GALNT13: variants seen among roughly 807,000 people sequenced by gnomAD.
The protein encoded by GALNT13 is polypeptide N-acetylgalactosaminyltransferase 13.
GALNT13 carries 28 observed loss-of-function variants against 64.2 expected under a neutral mutation model. The ratio of observed to expected loss-of-function variants is 0.44; its 90% confidence interval spans 0.32 to 0.60. The LOEUF (loss-of-function observed/expected upper bound fraction) is 0.60, where lower values mean the gene tolerates loss of function less well. Ranked by LOEUF, GALNT13 falls within the 20% of genes least tolerant of loss-of-function variation. GALNT13 has a pLI of 0.05. For missense variants in GALNT13, 577 were observed against 669.8 expected (o/e 0.86, Z 1.53); for synonymous variants, 214 against 224.6 (o/e 0.95, Z 0.42).
At chr2:153,945,916 T>A (rs1412717800) in intron 3 of GALNT13, among the ~76,000 whole-genome samples, 1 of 152,152 alleles carries the variant, frequency 6.6e-6, no homozygotes, top group African/African-American at 2.4e-5. Context: ...ACAAATAATT[T>A]AAAAAAATTT....
At chr2:154,151,929 C>G (rs1684055999) in intron 4 of GALNT13, among the ~76,000 whole-genome samples, 2 of 152,176 alleles carry the variant, frequency 1.3e-5, no homozygotes, top group African/African-American at 4.8e-5. Flanking sequence ...AGCCCATTTA[C>G]ATTTAAGGCT....
chr2:153,537,963 G>A, the GALNT13 span, among the ~76,000 whole-genome samples: 1 of 152,186 alleles, frequency 6.6e-6, no homozygotes, highest in Non-Finnish European at 1.5e-5. Flanking sequence ...ACCAGAAGTG[G>A]ATTGCTGTTA....
At chr2:153,447,918 C>T in the GALNT13 span, among the ~76,000 whole-genome samples, 3 of 152,310 alleles carry the variant, frequency 2.0e-5, no homozygotes, top group South Asian at 6.2e-4. Flanking sequence ...GGACATCCCA[C>T]TTAAAGGGCC....
the GALNT13 span, among the ~76,000 whole-genome samples, chr2:153,557,658 C>T: frequency 6.6e-6 from 1 of 152,170 alleles, no homozygotes; most frequent in East Asian, 1.9e-4. Flanking sequence ...GTTCTAAAGA[C>T]ATAAATCATG....
At chr2:153,822,780 C>T in the GALNT13 span, among the ~76,000 whole-genome samples, 1 of 152,074 alleles carries the variant, frequency 6.6e-6, no homozygotes, top group Non-Finnish European at 1.5e-5. Flanking sequence ...GCCAAGCAAC[C>T]AGGCAATAGA....
the GALNT13 span, among the ~76,000 whole-genome samples, chr2:153,566,359 T>TTTTTTG: frequency 2.8e-5 from 4 of 140,810 alleles, no homozygotes; most frequent in Non-Finnish European, 6.1e-5. Flanking sequence ...TTTTTTTTTT[T>TTTTTTG]TTTTTTTTTT....
At chr2:153,076,026 G>A in the GALNT13 span, among the ~76,000 whole-genome samples, 1 of 151,942 alleles carries the variant, frequency 6.6e-6, no homozygotes, top group African/African-American at 2.4e-5. Flanking sequence ...GCTATTGATG[G>A]GCATTTCTAC....
the GALNT13 span, among the ~76,000 whole-genome samples, chr2:153,136,368 A>G: frequency 2.0e-5 from 3 of 152,084 alleles, no homozygotes; most frequent in African/African-American, 7.2e-5. Flanking sequence ...AAATCCTGAG[A>G]TAATCTGCTT....
intron 9 of GALNT13, among the ~76,000 whole-genome samples, chr2:154,360,009 ATT>A (rs1213666587): frequency 2.0e-5 from 3 of 152,180 alleles, no homozygotes; most frequent in Admixed American, 2.0e-4. Flanking sequence ...CAAAGACAAT[ATT>A]ATGTCTAAGA....
the GALNT13 span, among the ~76,000 whole-genome samples, chr2:153,320,321 C>T: frequency 2.0e-5 from 3 of 152,316 alleles, no homozygotes; most frequent in Admixed American, 6.5e-5. Context: ...CACCTATTCA[C>T]CCGTTTATTC....
chr2:154,295,234 TC>T (rs917209231), intron 8 of GALNT13, among the ~76,000 whole-genome samples: 33 of 152,018 alleles, frequency 2.2e-4, no homozygotes, highest in Non-Finnish European at 8.8e-5. Flanking sequence ...ATGACTTTTT[TC>T]CCCCCAATTA....
chr2:154,199,328 A>G (rs1463235576), intron 4 of GALNT13, among the ~76,000 whole-genome samples: 1 of 152,020 alleles, frequency 6.6e-6, no homozygotes, highest in Non-Finnish European at 1.5e-5. Flanking sequence ...AAGTCTAGGA[A>G]GTAGAATAAA....
At chr2:154,435,953 C>T (rs976464680) in intron 11 of GALNT13, 1 of 151,866 alleles carries the variant, frequency 6.6e-6, no homozygotes, top group African/African-American at 2.4e-5. Flanking sequence ...TAATAATTTC[C>T]AGATAAAATC....
the GALNT13 span, among the ~76,000 whole-genome samples, chr2:153,658,664 C>T: frequency 6.6e-6 from 1 of 151,940 alleles, no homozygotes; most frequent in East Asian, 1.9e-4. Flanking sequence ...GAGTTCTAAA[C>T]TCAGGGAAAA....
chr2:154,091,266 A>C (rs1408981191), intron 3 of GALNT13, among the ~76,000 whole-genome samples: 1 of 151,970 alleles, frequency 6.6e-6, no homozygotes, highest in East Asian at 1.9e-4. Context: ...GTATAAATTT[A>C]TGTACTTGTA....
the GALNT13 span, among the ~76,000 whole-genome samples, chr2:153,536,117 T>A: frequency 2.0e-5 from 3 of 152,160 alleles, no homozygotes; most frequent in Non-Finnish European, 4.4e-5. Context: ...TGTTTAAAAA[T>A]AGTTCCTTTT....
the GALNT13 span, among the ~76,000 whole-genome samples, chr2:153,854,009 T>C: frequency 1.3e-5 from 2 of 151,672 alleles, no homozygotes; most frequent in Non-Finnish European, 2.9e-5. Flanking sequence ...ATATGCCAGA[T>C]TCATCAAGTT....
chr2:153,546,359 A>C, the GALNT13 span, among the ~76,000 whole-genome samples: 1 of 152,198 alleles, frequency 6.6e-6, no homozygotes, highest in African/African-American at 2.4e-5. Context: ...CATCCCCTGG[A>C]TTCTGAAAAA....
chr2:153,408,047 G>C, the GALNT13 span, among the ~76,000 whole-genome samples: 1 of 152,240 alleles, frequency 6.6e-6, no homozygotes, highest in East Asian at 1.9e-4. Context: ...ATCTGAGCGG[G>C]AGTGGATAGG....
Sources: allele counts gnomAD v4.1 joint callset (sites outside exome capture counted in the v4.1 genomes callset), GRCh38; gene constraint gnomAD v4.1.1; transcripts MANE v1.5; gene names NCBI Gene and HGNC (gene_info 2026-07-23, HGNC 2026-07-21).